The following NTM variants were observed in gnomAD, a reference collection of about 807,000 sequenced individuals.
NTM encodes neurotrimin, also known as IgLON family member 2.
Under a neutral mutation model 42.1 loss-of-function variants are expected in NTM, and 13 were observed. That is an observed-to-expected ratio of 0.31 (90% CI 0.20 to 0.49). NTM has a LOEUF of 0.49. Among genes scored for constraint, NTM ranks in the 20% least tolerant of loss-of-function variants. The pLI is 0.99. For missense variants in NTM, 373 were observed against 452.8 expected, an observed-to-expected ratio of 0.82 and a Z score of 1.60; for synonymous variants, 187 against 179.2, an observed-to-expected ratio of 1.04 and a Z score of -0.35.
intron 2 of NTM, among the ~76,000 whole-genome samples, chr11:132,072,809 T>C (rs1331246109): frequency 6.6e-6 from 1 of 152,126 alleles, no homozygotes; most frequent in African/African-American, 2.4e-5. Flanking sequence ...ATTTTACGGT[T>C]GTGATTCCTC....
intron 2 of NTM, among the ~76,000 whole-genome samples, chr11:132,055,232 C>T (rs1013139238): frequency 3.3e-5 from 5 of 152,152 alleles, no homozygotes; most frequent in South Asian, 2.1e-4. Flanking sequence ...GGATAATGAA[C>T]GCAGCTGTTC....
intron 1 of NTM, among the ~76,000 whole-genome samples, chr11:131,390,900 C>A (rs146028014): frequency 6.6e-6 from 1 of 152,250 alleles, no homozygotes; most frequent in East Asian, 1.9e-4. Flanking sequence ...CACCAGCAGA[C>A]CTGGTTACCT....
chr11:131,820,703 G>A (rs951547921), intron 1 of NTM, among the ~76,000 whole-genome samples: 2 of 152,108 alleles, frequency 1.3e-5, no homozygotes, highest in African/African-American at 4.8e-5. Flanking sequence ...CAAAGGATTG[G>A]CACTTTTTTA....
At chr11:131,786,766 C>A (rs1285621608) in intron 1 of NTM, among the ~76,000 whole-genome samples, 1 of 152,148 alleles carries the variant, frequency 6.6e-6, no homozygotes, top group Non-Finnish European at 1.5e-5. Context: ...AGGCTATTCC[C>A]ATCATCAACA....
intron 3 of NTM, among the ~76,000 whole-genome samples, chr11:132,150,083 C>T (rs1027984393): frequency 6.6e-6 from 1 of 152,146 alleles, no homozygotes; most frequent in Admixed American, 6.6e-5. Context: ...CCAACATTTG[C>T]ATCTGGAGAG....
At chr11:131,896,172 C>A (rs1031607066) in intron 1 of NTM, among the ~76,000 whole-genome samples, 1 of 152,162 alleles carries the variant, frequency 6.6e-6, no homozygotes, top group Non-Finnish European at 1.5e-5. Flanking sequence ...ATCTGCTATT[C>A]TTAACTTTTT....
Position 131,477,591 on chromosome 11 carries a change from A to G in NTM, c.82+106703A>G, listed in dbSNP as rs140692394. 1.9e-4 allele frequency among the ~76,000 whole-genome samples: 29 copies of G among 151,800 alleles called. No individual in the cohort carries two copies. The East Asian group carries it at 5.6e-3, about 29-fold the overall frequency. ...CAGCTTGAATGTTGGTGTCCAGTAA[A>G]TCATATCCACCCTGTTCTCCTTACT... On this transcript the variant is annotated intron_variant, in intron 1 of 8. Transcript: ENST00000683400.
intron 2 of NTM, among the ~76,000 whole-genome samples, chr11:132,125,616 T>A (rs998584360): frequency 2.0e-5 from 1 of 49,580 alleles, no homozygotes; most frequent in Non-Finnish European, 4.2e-5. Flanking sequence ...ATGTGTGTGG[T>A]GTTTGGTGGT....
At chr11:132,325,086 T>A (rs1380005842) in intron 7 of NTM, among the ~76,000 whole-genome samples, 1 of 151,970 alleles carries the variant, frequency 6.6e-6, no homozygotes, top group Non-Finnish European at 1.5e-5. Context: ...AACCTAGGCA[T>A]TACCATTCAG....
At chr11:131,682,050 C>T (rs2073040768) in intron 1 of NTM, among the ~76,000 whole-genome samples, 1 of 152,170 alleles carries the variant, frequency 6.6e-6, no homozygotes, top group Non-Finnish European at 1.5e-5. Flanking sequence ...GGACCCAGCC[C>T]CTAGGGCTGC....
chr11:132,100,429 AT>A (rs1213403519), intron 2 of NTM, among the ~76,000 whole-genome samples: 1 of 152,196 alleles, frequency 6.6e-6, no homozygotes, highest in East Asian at 1.9e-4. Flanking sequence ...CCCAAAGAGG[AT>A]CCAGCAGATT....
At position 131,683,038 on chromosome 11, in the gene NTM, T is replaced by G. The variant is rs138965693; in HGVS notation, c.83-228526T>G. The stretch of plus-strand genomic sequence containing the variant: ...TGCAAGGACGCAGGCCCATACCACT[T>G]TCTAGGAATTCTGTGGCGAAAATAA... On this transcript the variant is annotated intron_variant, in intron 1 of 8. Transcript: ENST00000683400. Among the ~76,000 whole-genome samples the G allele has an allele frequency of 3.3e-3, 507 of 152,252 alleles. 3 individuals are homozygous for G. The highest frequency in any genetic ancestry group is 0.011 in the African/African-American group (467 of 41,540).
intron 2 of NTM, among the ~76,000 whole-genome samples, chr11:132,141,553 C>T (rs993621282): frequency 1.3e-5 from 2 of 152,138 alleles, no homozygotes; most frequent in African/African-American, 4.8e-5. Flanking sequence ...CTACCATACT[C>T]GAGCTCCCAT....
At chr11:132,323,643 AG>A (rs1254154493) in intron 7 of NTM, among the ~76,000 whole-genome samples, 1 of 152,180 alleles carries the variant, frequency 6.6e-6, no homozygotes, top group African/African-American at 2.4e-5. Flanking sequence ...TCTAATCAAT[AG>A]AAAAAGAGGG....
intron 1 of NTM, among the ~76,000 whole-genome samples, chr11:131,774,634 AC>A (rs2086671584): frequency 6.6e-6 from 1 of 152,194 alleles, no homozygotes. Context: ...TTGTGAGGTC[AC>A]AAAAAATTGT....
intron 1 of NTM, among the ~76,000 whole-genome samples, chr11:131,568,187 T>C (rs2057087050): frequency 1.3e-5 from 2 of 152,314 alleles, no homozygotes; most frequent in East Asian, 3.9e-4. Flanking sequence ...CCTCCAATCA[T>C]AAACAGTAAA....
intron 1 of NTM, among the ~76,000 whole-genome samples, chr11:131,402,612 C>T (rs1464976083): frequency 1.3e-5 from 2 of 152,054 alleles, no homozygotes; most frequent in African/African-American, 4.8e-5. Context: ...TCGTGCGTGC[C>T]CACTCAGAAT....
chr11:131,495,732 C>T (rs1955272215), intron 1 of NTM, among the ~76,000 whole-genome samples: 1 of 152,224 alleles, frequency 6.6e-6, no homozygotes, highest in Non-Finnish European at 1.5e-5. Context: ...CAGACTGCTT[C>T]AAGCTGGGGA....
At chr11:132,239,119 C>T (rs1050819849) in intron 4 of NTM, among the ~76,000 whole-genome samples, 1 of 152,162 alleles carries the variant, frequency 6.6e-6, no homozygotes, top group Non-Finnish European at 1.5e-5. Context: ...GAGACACTGC[C>T]GTAAGTCGGT....
Sources: allele counts gnomAD v4.1 joint callset (sites outside exome capture counted in the v4.1 genomes callset), GRCh38; gene constraint gnomAD v4.1.1; transcripts MANE v1.5; gene names NCBI Gene and HGNC (gene_info 2026-07-23, HGNC 2026-07-21).